The following CCSER2 variants were observed in gnomAD, a reference collection of about 807,000 sequenced individuals.
The protein encoded by CCSER2 is coiled-coil serine rich protein 2.
CCSER2 carries 46 observed loss-of-function variants against 92.3 expected under a neutral mutation model. The ratio of observed to expected loss-of-function variants is 0.50; its 90% CI spans 0.39 to 0.64. The LOEUF is 0.64. Among genes scored for constraint, CCSER2 ranks in the 30% least tolerant of loss-of-function variants. The pLI is 0.00. For missense variants in CCSER2, 1,244 were observed against 1,238.9 expected, an observed-to-expected ratio of 1.00 and a Z score of -0.06; for synonymous variants, 433 against 431.4, an observed-to-expected ratio of 1.00 and a Z score of -0.04.
chr10:84,330,374 C>T (rs982612218), intron 1 of CCSER2, among the ~76,000 whole-genome samples: 1 of 152,200 alleles, frequency 6.6e-6, no homozygotes, highest in East Asian at 1.9e-4. Flanking sequence ...CCCTTGAAGA[C>T]CTTACGAAAG....
At chr10:84,411,461 G>A (rs1196519133) in intron 3 of CCSER2, among the ~76,000 whole-genome samples, 1 of 152,084 alleles carries the variant, frequency 6.6e-6, no homozygotes, top group Admixed American at 6.5e-5. Flanking sequence ...CCATTTGTTT[G>A]TTTCCTCTCT....
At position 84,374,054 on chromosome 10, in the gene CCSER2, G is replaced by A. The variant is rs116656586; in HGVS notation, c.1614+239G>A. 927 of 895,056 alleles carry A rather than the reference G, an allele frequency of 1.0e-3. 6 individuals are homozygous for A. In the African/African-American group the frequency reaches 0.015, roughly 14 times the overall value. 55.4% of individuals were successfully genotyped at this position (895,056 alleles called of 1,614,324 possible). On this transcript the variant is annotated intron_variant, in intron 3 of 9. Transcript: ENST00000372088. ...TTACATATATATTCCTCATACATAT[G>A]TGCATACTATATTAGTAGTTTAATC...
At chr10:84,380,113 A>G (rs1056554885) in intron 3 of CCSER2, among the ~76,000 whole-genome samples, 3 of 152,242 alleles carry the variant, frequency 2.0e-5, no homozygotes, top group African/African-American at 7.2e-5. Context: ...ACCTTCCAGT[A>G]GAGGATGAGA....
intron 8 of CCSER2, among the ~76,000 whole-genome samples, chr10:84,470,884 G>A (rs1231926616): frequency 6.6e-6 from 1 of 152,008 alleles, no homozygotes; most frequent in African/African-American, 2.4e-5. Context: ...CCAAGAAAAT[G>A]TTTATTTCCT....
At chr10:84,389,908 T>G (rs1305128229) in intron 3 of CCSER2, among the ~76,000 whole-genome samples, 1 of 152,140 alleles carries the variant, frequency 6.6e-6, no homozygotes, top group African/African-American at 2.4e-5. Flanking sequence ...CATCTTTCAT[T>G]TTTTTCTGCC....
chr10:84,401,528 G>T (rs1371745380), intron 3 of CCSER2, among the ~76,000 whole-genome samples: 4 of 152,024 alleles, frequency 2.6e-5, no homozygotes, highest in Non-Finnish European at 5.9e-5. Context: ...AACCATTAAA[G>T]AATTTACTCT....
intron 9 of CCSER2, among the ~76,000 whole-genome samples, chr10:84,482,134 TGAAG>T (rs1847494963): frequency 6.6e-6 from 1 of 150,884 alleles, no homozygotes; most frequent in Non-Finnish European, 1.5e-5. Flanking sequence ...TCAGAAGAAA[TGAAG>T]GAAAATAAAA....
intron 6 of CCSER2, among the ~76,000 whole-genome samples, chr10:84,453,755 A>G (rs1473579157): frequency 3.3e-5 from 5 of 152,152 alleles, no homozygotes; most frequent in Non-Finnish European, 5.9e-5. Context: ...TTTTCAGGCT[A>G]TTGTATCAGG....
intron 5 of CCSER2, among the ~76,000 whole-genome samples, chr10:84,431,107 A>G (rs1167421172): frequency 6.6e-6 from 1 of 152,198 alleles, no homozygotes; most frequent in East Asian, 1.9e-4. Context: ...ATGAGTCAAT[A>G]TTGATATTTT....
At chr10:84,370,680 A>C (rs1157335771) in intron 1 of CCSER2, among the ~76,000 whole-genome samples, 1 of 152,132 alleles carries the variant, frequency 6.6e-6, no homozygotes, top group Non-Finnish European at 1.5e-5. Flanking sequence ...ACTTTTACCC[A>C]AAATGAAAAA....
chr10:84,466,975 TCTC>T (rs1310262347), intron 7 of CCSER2, among the ~76,000 whole-genome samples: 2 of 152,194 alleles, frequency 1.3e-5, no homozygotes, highest in African/African-American at 4.8e-5. Context: ...CTTCCTCCTC[TCTC>T]ATCTGTCTTG....
At chr10:84,438,310 A>T (rs1844312100) in intron 5 of CCSER2, among the ~76,000 whole-genome samples, 1 of 152,238 alleles carries the variant, frequency 6.6e-6, no homozygotes, top group South Asian at 2.1e-4. Flanking sequence ...GATGGGGGAT[A>T]CAGAAGATAA....
intron 6 of CCSER2, among the ~76,000 whole-genome samples, chr10:84,444,686 C>T (rs1453994860): frequency 2.6e-5 from 4 of 152,166 alleles, no homozygotes; most frequent in Admixed American, 6.5e-5. Context: ...TCCCCTTAGC[C>T]AAACCCAAGC....
At chr10:84,434,562 G>C (rs1336917257) in intron 5 of CCSER2, among the ~76,000 whole-genome samples, 2 of 152,162 alleles carry the variant, frequency 1.3e-5, no homozygotes, top group African/African-American at 4.8e-5. Flanking sequence ...TATTTTAACA[G>C]TTGGTAAATA....
In CCSER2 at chr10:84,438,769, G is replaced by T. The variant is rs1305190014; in HGVS notation, c.2064+62G>T. On this transcript the variant is annotated intron_variant, in intron 6 of 9. Coordinates refer to ENST00000372088, the MANE Select transcript of CCSER2 (RefSeq NM_001284240.2). ...TGAATTGCAAAATGGATTGACTTTA[G>T]TTTTTTTTAAAAAAATACTTACTGG... The T allele has an allele frequency of 1.9e-5, 20 of 1,039,694 alleles. No homozygotes were observed. The African/African-American group carries it at 1.9e-4, about 10-fold the overall frequency. 64.4% of individuals were successfully genotyped at this position (1,039,694 alleles called of 1,614,324 possible).
chr10:84,487,881 A>C (rs1379193898), intron 9 of CCSER2, among the ~76,000 whole-genome samples: 4 of 152,314 alleles, frequency 2.6e-5, no homozygotes, highest in East Asian at 3.9e-4. Flanking sequence ...TGGGTTTTTC[A>C]TAAATAGTTC....
At chr10:84,450,982 T>C (rs1257033596) in intron 6 of CCSER2, among the ~76,000 whole-genome samples, 2 of 152,132 alleles carry the variant, frequency 1.3e-5, no homozygotes, top group African/African-American at 2.4e-5. Flanking sequence ...CTCAGTACGA[T>C]TTACAGATTT....
At chr10:84,382,899 G>C (rs1840991568) in intron 3 of CCSER2, among the ~76,000 whole-genome samples, 1 of 152,126 alleles carries the variant, frequency 6.6e-6, no homozygotes, top group Non-Finnish European at 1.5e-5. Context: ...CCAACAAGTA[G>C]GTATGCCTTC....
chr10:84,401,211 CAG>C (rs758262086), intron 3 of CCSER2, among the ~76,000 whole-genome samples: 1 of 151,772 alleles, frequency 6.6e-6, no homozygotes, highest in African/African-American at 2.4e-5. Flanking sequence ...ATCAGGAAAA[CAG>C]AGATTAATGG....
Sources: gnomAD v4.1 joint callset for allele counts (sites outside exome capture counted in the v4.1 genomes callset) on GRCh38, gnomAD v4.1.1 for gene constraint, MANE v1.5 for transcripts, NCBI Gene and HGNC (gene_info 2026-07-23, HGNC 2026-07-21) for gene names.